EYS: variants seen among roughly 807,000 people sequenced by gnomAD.
EYS encodes EGF-like photoreceptor maintenance factor.
Under a neutral mutation model 282.1 loss-of-function variants are expected in EYS, and 250 were observed. That is an observed-to-expected ratio of 0.89 (90% CI 0.80 to 0.98). The LOEUF is 0.98. EYS is among the 50% of genes least tolerant of loss of function. The pLI is 0.00. For synonymous variants in EYS, 1,355 were observed against 1,282.9 expected (o/e 1.06, Z -1.20); for missense variants, 4,016 against 3,709.0 (o/e 1.08, Z -2.15).
At chr6:65,142,747 G>T (rs1367257456) in intron 12 of EYS, among the ~76,000 whole-genome samples, 2 of 151,784 alleles carry the variant, frequency 1.3e-5, no homozygotes, top group African/African-American at 4.8e-5. Context: ...GAGACATACT[G>T]AATATTTCAG....
chr6:65,279,910 C>T (rs1768169708), intron 12 of EYS, among the ~76,000 whole-genome samples: 1 of 152,032 alleles, frequency 6.6e-6, no homozygotes, highest in South Asian at 2.1e-4. Flanking sequence ...TACAGGAGTT[C>T]CTCAGATTAT....
At chr6:64,088,640 A>AT (rs1162544158) in intron 31 of EYS, among the ~76,000 whole-genome samples, 5 of 151,746 alleles carry the variant, frequency 3.3e-5, no homozygotes, top group Admixed American at 6.6e-5. Context: ...CATTTTTATT[A>AT]TTTTTTTTAA....
chr6:65,696,255 C>A (rs1769452091), intron 1 of EYS, among the ~76,000 whole-genome samples: 1 of 151,780 alleles, frequency 6.6e-6, no homozygotes, highest in African/African-American at 2.4e-5. Context: ...ATGTCATACT[C>A]CTGGTTAAAA....
chr6:64,998,876 T>C (rs1276122545), intron 13 of EYS, among the ~76,000 whole-genome samples: 1 of 152,224 alleles, frequency 6.6e-6, no homozygotes, highest in Admixed American at 6.5e-5. Flanking sequence ...ATTATCCTTA[T>C]GGTTATTATT....
chr6:65,615,788 G>A (rs1766173413), intron 2 of EYS, among the ~76,000 whole-genome samples: 1 of 152,026 alleles, frequency 6.6e-6, no homozygotes, highest in African/African-American at 2.4e-5. Context: ...CAAAAAATTA[G>A]CCGGTCGTGG....
chr6:63,783,077 C>G (rs550171543), intron 39 of EYS, among the ~76,000 whole-genome samples: 14 of 151,776 alleles, frequency 9.2e-5, no homozygotes, highest in African/African-American at 2.9e-4. Context: ...ATTGAACTCA[C>G]AAGAAACCGA....
At chr6:65,422,713 G>T (rs1471482974) in intron 5 of EYS, among the ~76,000 whole-genome samples, 1 of 151,738 alleles carries the variant, frequency 6.6e-6, no homozygotes, top group Admixed American at 6.6e-5. Context: ...AGGAGGGTAA[G>T]TTGGAACAAT....
intron 30 of EYS, among the ~76,000 whole-genome samples, chr6:64,246,018 C>CAAAAAAAAAAAAAAAAAAAAA (rs60121734): frequency 3.6e-5 from 2 of 56,198 alleles, no homozygotes; most frequent in African/African-American, 1.6e-4. Flanking sequence ...AACTCCGTCT[C>CAAAAAAAAAAAAAAAAAAAAA]AAAAAAAAAA....
chr6:63,760,694 ATCTATCTAATCT>A (rs1769615934), intron 41 of EYS, among the ~76,000 whole-genome samples: 1 of 143,752 alleles, frequency 7.0e-6, no homozygotes. Context: ...CTATCTATCT[ATCTATCTAATCT>A]TCTATCTATA....
At chr6:63,954,206 C>T (rs914602192) in intron 35 of EYS, among the ~76,000 whole-genome samples, 4 of 152,142 alleles carry the variant, frequency 2.6e-5, no homozygotes, top group Non-Finnish European at 4.4e-5. Context: ...TCCTTCTTTC[C>T]TTTTCCTCAC....
At chr6:65,162,458 A>G (rs577662782) in intron 12 of EYS, among the ~76,000 whole-genome samples, 1 of 151,396 alleles carries the variant, frequency 6.6e-6, no homozygotes, top group African/African-American at 2.4e-5. Context: ...CACATCAGTC[A>G]TCAGCTTTAG....
At chr6:64,074,261 A>G (rs1771688028) in intron 32 of EYS, among the ~76,000 whole-genome samples, 1 of 151,546 alleles carries the variant, frequency 6.6e-6, no homozygotes, top group Admixed American at 6.6e-5. Context: ...TCCAGTATCT[A>G]AATGTCATAG....
chr6:65,405,116 C>T, intron 6 of EYS, 58 bp downstream of exon 6: 2 of 1,187,316 alleles, frequency 1.7e-6, no homozygotes, highest in East Asian at 2.4e-5. Flanking sequence ...TTTCAAATTG[C>T]TTGGTAATAG....
At chr6:65,360,420 A>G (rs1306512570) in intron 8 of EYS, among the ~76,000 whole-genome samples, 1 of 152,070 alleles carries the variant, frequency 6.6e-6, no homozygotes, top group Non-Finnish European at 1.5e-5. Flanking sequence ...GGTAGCACCT[A>G]AATTTAGGAA....
chr6:64,918,925 T>C (rs921704100), intron 15 of EYS, among the ~76,000 whole-genome samples: 1 of 152,170 alleles, frequency 6.6e-6, no homozygotes, highest in Non-Finnish European at 1.5e-5. Flanking sequence ...TCAAGTACCA[T>C]TCTAACAAAT....
Position 64,591,275 on chromosome 6 carries a change from T to C in EYS, c.4592A>G (p.Glu1531Gly). 1 of 1,551,432 alleles carries C rather than the reference T, an allele frequency of 6.4e-7. No individual in the cohort carries two copies. Among genetic ancestry groups the C allele is most frequent in the Non-Finnish European group, 8.7e-7 (1 of 1,146,796 alleles). The change falls in exon 26 of 43, where the codon GAG (glutamate) becomes GGG (glycine). Residue 1531 changes from glutamate to glycine, a missense_variant. Physicochemically the swap from Glu to Gly is moderately conservative, Grantham distance 98. Coordinates refer to ENST00000503581, the MANE Select transcript of EYS (RefSeq NM_001142800.2). ...TGTGAGTCTCTGGTTGCTTGAAGCC[T>C]CAGTAATAGCCTGATATTCACTGGG... Reference protein sequence around the residue: ...FNPSEYQAITEASSNQRLTNI... With the variant: ...FNPSEYQAITGASSNQRLTNI...
intron 2 of EYS, among the ~76,000 whole-genome samples, chr6:65,499,325 T>C (rs1766366209): frequency 6.6e-6 from 1 of 152,050 alleles, no homozygotes; most frequent in African/African-American, 2.4e-5. Flanking sequence ...CTCATTATAA[T>C]AGTTGGCATA....
intron 33 of EYS, among the ~76,000 whole-genome samples, chr6:64,020,834 A>G (rs1033384563): frequency 6.6e-6 from 1 of 152,198 alleles, no homozygotes; most frequent in Non-Finnish European, 1.5e-5. Context: ...AATATTATAA[A>G]TGTTAAAATA....
chr6:64,027,634 G>T (rs6921767), intron 33 of EYS, among the ~76,000 whole-genome samples: 40,984 of 152,044 alleles, frequency 0.27, 6,278 homozygotes, highest in Middle Eastern at 0.38. Flanking sequence ...CCAATCACCT[G>T]GTAGGGCTTG....
Sources: gnomAD v4.1 joint callset for allele counts (sites outside exome capture counted in the v4.1 genomes callset) on GRCh38, gnomAD v4.1.1 for gene constraint, MANE v1.5 for transcripts, NCBI Gene and HGNC (gene_info 2026-07-23, HGNC 2026-07-21) for gene names.